SPTBN1: variants seen among roughly 807,000 people sequenced by gnomAD.
SPTBN1 encodes spectrin beta chain, non-erythrocytic 1.
SPTBN1 carries 32 observed loss-of-function variants against 266.4 expected under a neutral mutation model. That is an observed-to-expected ratio of 0.12 (90% confidence interval 0.09 to 0.16). The LOEUF (loss-of-function observed/expected upper bound fraction) is 0.16. Among genes scored for constraint, SPTBN1 ranks in the 10% least tolerant of loss-of-function variants. The probability of loss-of-function intolerance (pLI) is 1.00; values close to 1 mark genes in which losing one functional copy is unlikely to be tolerated. For missense variants in SPTBN1, 2,296 were observed against 3,067.1 expected, an observed-to-expected ratio of 0.75 and a Z score of 5.94; for synonymous variants, 1,336 against 1,162.2, an observed-to-expected ratio of 1.15 and a Z score of -3.04.
intron 1 of SPTBN1, among the ~76,000 whole-genome samples, chr2:54,517,199 C>T (rs372699474): frequency 3.2e-4 from 48 of 152,056 alleles, no homozygotes; most frequent in East Asian, 1.5e-3. Flanking sequence ...CAGGCAACTC[C>T]GGGATGCCCT....
intron 35 of SPTBN1, among the ~76,000 whole-genome samples, chr2:54,667,946 C>T (rs1681474693): frequency 6.6e-6 from 1 of 152,174 alleles, no homozygotes; most frequent in Non-Finnish European, 1.5e-5. Context: ...ATGATGGGAC[C>T]CCCGCTGCAC....
At chr2:54,527,236 G>A (rs1321750873) in intron 2 of SPTBN1, 2 of 152,144 alleles carry the variant, frequency 1.3e-5, no homozygotes, top group East Asian at 3.8e-4. Flanking sequence ...CTGAATATAT[G>A]TAAACCAAGT....
At chr2:54,648,959 C>G in intron 24 of SPTBN1, 27 bp from the exon 25 acceptor site, 1 of 1,539,772 alleles carries the variant, frequency 6.5e-7, no homozygotes, top group South Asian at 1.2e-5. Flanking sequence ...GATCCTTTTT[C>G]TCCCCATTGC....
At chr2:54,614,993 C>T (rs543476661) in intron 4 of SPTBN1, among the ~76,000 whole-genome samples, 1 of 152,218 alleles carries the variant, frequency 6.6e-6, no homozygotes, top group South Asian at 2.1e-4. Context: ...GCCTGACTTT[C>T]CTGGTGAGCC....
At chr2:54,494,586 A>G (rs971921996) in intron 1 of SPTBN1, among the ~76,000 whole-genome samples, 6 of 152,252 alleles carry the variant, frequency 3.9e-5, no homozygotes, top group African/African-American at 1.4e-4. Flanking sequence ...ATATGTAGCA[A>G]CATCAGTGAA....
intron 2 of SPTBN1, among the ~76,000 whole-genome samples, chr2:54,593,400 G>C (rs1314700795): frequency 1.3e-5 from 2 of 152,056 alleles, no homozygotes; most frequent in African/African-American, 2.4e-5. Flanking sequence ...AGGGCTGCTG[G>C]TTCTTTTTGT....
intron 1 of SPTBN1, among the ~76,000 whole-genome samples, chr2:54,472,829 T>G (rs1366629178): frequency 2.6e-5 from 4 of 152,178 alleles, no homozygotes. Context: ...TTTCCAGGAT[T>G]TATATGTTAA....
At chr2:54,461,254 A>C (rs1234098079) in intron 1 of SPTBN1, among the ~76,000 whole-genome samples, 1 of 152,254 alleles carries the variant, frequency 6.6e-6, no homozygotes, top group Admixed American at 6.5e-5. Context: ...TTAAGATTCT[A>C]TTCCCAAGGT....
In SPTBN1 at chr2:54,558,975, G is replaced by T; in HGVS notation, c.148+32409G>T. 1.4e-6 allele frequency: 2 copies of T among 1,464,556 alleles called. No individual in the cohort carries two copies. The highest frequency in any genetic ancestry group is 1.8e-6 in the Non-Finnish European group (2 of 1,081,728). The allele number at this position is 1,464,556 out of a possible 1,614,324, so 90.7% of individuals were successfully genotyped here. On this transcript the variant is annotated intron_variant, in intron 2 of 35. Coordinates refer to ENST00000356805, the MANE Select transcript of SPTBN1 (RefSeq NM_003128.3). The surrounding 1 kb of genome is among the most constrained non-coding windows in gnomAD (Gnocchi z 4.6). ...TTTGTGACCCTAATGAAGACGGGCG[G>T]CTTCACAGCTCGGCCCCAGACCCTG... is the stretch of plus-strand genomic sequence containing the variant.
chr2:54,560,042 G>C (rs1351356743), intron 2 of SPTBN1, among the ~76,000 whole-genome samples: 2 of 152,180 alleles, frequency 1.3e-5, no homozygotes, highest in East Asian at 3.8e-4. Context: ...TCCTCTGGCA[G>C]TTAGCTCAGA....
At chr2:54,478,914 G>GTA (rs5831305) in intron 1 of SPTBN1, among the ~76,000 whole-genome samples, 33,084 of 151,198 alleles carry the variant, frequency 0.22, 4,575 homozygotes, top group East Asian at 0.38. Context: ...ATATATATGT[G>GTA]TATATATATA....
At chr2:54,614,751 C>T (rs188405146) in intron 4 of SPTBN1, among the ~76,000 whole-genome samples, 2 of 150,208 alleles carry the variant, frequency 1.3e-5, no homozygotes, top group Non-Finnish European at 3.0e-5. Flanking sequence ...TGCAGTGAGC[C>T]GAGATCACAC....
At position 54,562,010 on chromosome 2, in the gene SPTBN1, A is replaced by C. The variant is rs370025813; in HGVS notation, c.148+35444A>C. Among the ~76,000 whole-genome samples, 197 of 152,112 alleles carry C rather than the reference A, an allele frequency of 1.3e-3. 4 individuals carry two copies. The South Asian group carries it at 0.037, about 28-fold the overall frequency. ...CCAACACCCAACACCCAACACACACACACCCACCCCTTCCTCTTTTTCTTT... is the reference window on the plus strand; with the variant it reads ...CCAACACCCAACACCCAACACACACCCACCCACCCCTTCCTCTTTTTCTTT... On this transcript the variant is annotated intron_variant, in intron 2 of 35. Coordinates refer to ENST00000356805, the MANE Select transcript of SPTBN1 (RefSeq NM_003128.3).
At chr2:54,602,913 G>A (rs1351815207) in intron 3 of SPTBN1, among the ~76,000 whole-genome samples, 1 of 152,202 alleles carries the variant, frequency 6.6e-6, no homozygotes, top group African/African-American at 2.4e-5. Context: ...TTGAAATAGT[G>A]TTTGTGGACT....
At chr2:54,642,828 T>G (rs2104029053) in intron 18 of SPTBN1, among the ~76,000 whole-genome samples, 155 bp from the exon 19 acceptor site, 1 of 152,338 alleles carries the variant, frequency 6.6e-6, no homozygotes, top group East Asian at 1.9e-4. Context: ...ACACCTGTCA[T>G]GACGGGTCAG....
chr2:54,619,230 G>C (rs1403537086), intron 7 of SPTBN1, among the ~76,000 whole-genome samples: 4 of 152,202 alleles, frequency 2.6e-5, no homozygotes, highest in Non-Finnish European at 2.9e-5. Context: ...CAGATTCACT[G>C]ATATGTTGGC....
intron 1 of SPTBN1, among the ~76,000 whole-genome samples, chr2:54,468,546 G>A (rs1375004524): frequency 6.6e-6 from 1 of 152,074 alleles, no homozygotes; most frequent in African/African-American, 2.4e-5. Flanking sequence ...ATGTTGCATG[G>A]CAAAACATAA....
rs1410856809 is a variant in SPTBN1, at chr2:54,540,241, A to C, written c.148+13675A>C. The stretch of plus-strand genomic sequence containing the variant: ...TTCTTTTCTAGTAATAAACAGAAGT[A>C]AGACCAGCTGATTGATAGAATCCTG... On this transcript the variant is annotated intron_variant, in intron 2 of 35. Coordinates refer to ENST00000356805, the MANE Select transcript of SPTBN1 (RefSeq NM_003128.3). The surrounding 1 kb of genome is among the most constrained non-coding windows in gnomAD (Gnocchi z 5.6). Among the ~76,000 whole-genome samples the C allele has an allele frequency of 6.6e-6, 1 of 152,216 alleles. No homozygotes were observed. Among genetic ancestry groups the C allele is most frequent in the East Asian group, 1.9e-4 (1 of 5,194 alleles).
At chr2:54,546,282 G>A (rs1433309822) in intron 2 of SPTBN1, among the ~76,000 whole-genome samples, 3 of 152,180 alleles carry the variant, frequency 2.0e-5, no homozygotes, top group Admixed American at 1.3e-4. Flanking sequence ...CACATTGACA[G>A]AATATCAGTG....
Sources: gnomAD v4.1 joint callset for allele counts (sites outside exome capture counted in the v4.1 genomes callset) on GRCh38, gnomAD v4.1.1 for gene constraint, Gnocchi (gnomAD v3.1) non-coding constraint, MANE v1.5 for transcripts, NCBI Gene and HGNC (gene_info 2026-07-23, HGNC 2026-07-21) for gene names.